UGGT1: variants seen among roughly 807,000 people sequenced by gnomAD.
UGGT1 encodes the protein UDP-glucose glycoprotein glucosyltransferase 1.
Under a neutral mutation model 203.9 loss-of-function variants are expected in UGGT1, and 107 were observed. The observed-to-expected ratio is 0.52, with a 90% CI of 0.45 to 0.62. The LOEUF is 0.62. UGGT1 is among the 20% of genes least tolerant of loss of function. UGGT1 has a pLI of 0.00. For synonymous variants in UGGT1, 628 were observed against 653.5 expected, an observed-to-expected ratio of 0.96 and a Z score of 0.59; for missense variants, 1,673 against 1,867.2, an observed-to-expected ratio of 0.90 and a Z score of 1.92.
intron 1 of UGGT1, chr2:128,091,720 C>A: frequency 1.5e-6 from 1 of 645,850 alleles, no homozygotes; most frequent in Non-Finnish European, 2.3e-6. Flanking sequence ...TGGATTTAGA[C>A]CAAGCTTGAT....
At chr2:128,188,612 G>A (rs917309620) in intron 40 of UGGT1, among the ~76,000 whole-genome samples, 2 of 152,154 alleles carry the variant, frequency 1.3e-5, no homozygotes, top group African/African-American at 4.8e-5. Flanking sequence ...GTATGTACAT[G>A]GGCTCTGGAT....
intron 8 of UGGT1, among the ~76,000 whole-genome samples, chr2:128,117,966 GTGTGTGTGTGTC>G (rs1327724044): frequency 5.0e-4 from 14 of 28,050 alleles, no homozygotes; most frequent in East Asian, 6.7e-4. Context: ...CATTTTGTGT[GTGTGTGTGTGTC>G]TGTGTGTGTG....
chr2:128,092,442 A>G (rs1686909200), intron 1 of UGGT1, among the ~76,000 whole-genome samples: 1 of 151,770 alleles, frequency 6.6e-6, no homozygotes, highest in Non-Finnish European at 1.5e-5. Flanking sequence ...TTTGTACAGT[A>G]GCATAGCACA....
chr2:128,136,545 A>C (rs1216558423), intron 15 of UGGT1, among the ~76,000 whole-genome samples: 1 of 152,114 alleles, frequency 6.6e-6, no homozygotes, highest in East Asian at 1.9e-4. Context: ...TTGATAGCTC[A>C]TTTCTTCTTA....
At chr2:128,186,249 A>G (rs902332848) in intron 38 of UGGT1, among the ~76,000 whole-genome samples, 2 of 152,222 alleles carry the variant, frequency 1.3e-5, no homozygotes, top group African/African-American at 4.8e-5. Context: ...CATTTTAAAC[A>G]TTTGTGATTG....
intron 17 of UGGT1, among the ~76,000 whole-genome samples, chr2:128,144,274 TTGA>T (rs1689574469): frequency 6.6e-6 from 1 of 152,206 alleles, no homozygotes; most frequent in Non-Finnish European, 1.5e-5. Context: ...TAGTTAGCTG[TTGA>T]TAGAAAATTT....
chr2:128,156,483 T>C, intron 21 of UGGT1, 68 bp downstream of exon 21: 1 of 1,275,056 alleles, frequency 7.8e-7, no homozygotes, highest in South Asian at 1.3e-5. Flanking sequence ...CATTGTAATT[T>C]AGAATTTATC....
chr2:128,104,633 GTTA>G (rs1265115850), intron 3 of UGGT1, among the ~76,000 whole-genome samples: 2 of 152,004 alleles, frequency 1.3e-5, no homozygotes, highest in Non-Finnish European at 2.9e-5. Flanking sequence ...ACAGATATAG[GTTA>G]TTATTATTTT....
intron 2 of UGGT1, among the ~76,000 whole-genome samples, chr2:128,098,013 C>T (rs1321622762): frequency 6.6e-6 from 1 of 152,072 alleles, no homozygotes; most frequent in Admixed American, 6.6e-5. Flanking sequence ...GGAAGTGCCC[C>T]ACCACACCCT....
At chr2:128,160,990 A>G in intron 24 of UGGT1, 148 bp from the exon 25 acceptor site, 1 of 880,770 alleles carries the variant, frequency 1.1e-6, no homozygotes, top group Non-Finnish European at 1.7e-6. Flanking sequence ...GTATTATTTC[A>G]CTGATTTTAT....
chr2:128,131,333 C>T (rs991024544), intron 13 of UGGT1, among the ~76,000 whole-genome samples: 52 of 152,012 alleles, frequency 3.4e-4, no homozygotes, highest in African/African-American at 1.2e-3. Context: ...GTGGGCGGAT[C>T]ACTTTAGCTC....
chr2:128,174,631 T>G, intron 30 of UGGT1, 142 bp from the exon 31 acceptor site: 1 of 773,748 alleles, frequency 1.3e-6, no homozygotes, highest in South Asian at 1.9e-5. Context: ...GTAGTTTTGG[T>G]TTTTTAAGAG....
chr2:128,135,824 G>A (rs1689107475), intron 15 of UGGT1, among the ~76,000 whole-genome samples: 2 of 152,194 alleles, frequency 1.3e-5, no homozygotes, highest in South Asian at 4.1e-4. Context: ...ATTTCAAATA[G>A]GCTTTGAGGA....
chr2:128,102,614 G>T (rs13022733), intron 2 of UGGT1, among the ~76,000 whole-genome samples: 47,416 of 152,066 alleles, frequency 0.31, 8,702 homozygotes, highest in Non-Finnish European at 0.4. Flanking sequence ...TATTAGGACT[G>T]TTCCAAGTTT....
Position 128,187,492 on chromosome 2 carries a change from T to C in UGGT1, c.4520T>C (p.Val1507Ala), listed in dbSNP as rs1205878605. 1.2e-6 allele frequency: 2 copies of C among 1,613,994 alleles called. No homozygotes were observed. Among genetic ancestry groups the C allele is most frequent in the Non-Finnish European group, 1.7e-6 (2 of 1,180,002 alleles). ...MTKEPKLEAA[V>A]RIVPEWQDYD... ...AAAGAGCCGAAACTGGAAGCAGCTGTGCGGATTGTCCCGGAGTGGCAGGAC... is the reference window on the plus strand; with the variant it reads ...AAAGAGCCGAAACTGGAAGCAGCTGCGCGGATTGTCCCGGAGTGGCAGGAC... Residue 1507 changes from valine to alanine, a missense_variant, in exon 40 of 41, where the codon GTG becomes GCG. Around this residue, in one of 4 missense-constraint regions of UGGT1, gnomAD observed 513 missense variants for 684.1 expected, o/e 0.75. Coordinates refer to ENST00000259253, the MANE Select transcript of UGGT1 (RefSeq NM_020120.4).
chr2:128,110,066 G>A (rs777033575), intron 5 of UGGT1, among the ~76,000 whole-genome samples: 1 of 152,206 alleles, frequency 6.6e-6, no homozygotes, highest in Admixed American at 6.5e-5. Flanking sequence ...AAGGAATACT[G>A]TGTGTATTAA....
intron 5 of UGGT1, 98 bp from the exon 6 acceptor site, chr2:128,112,986 C>T (rs541283992): frequency 4.6e-5 from 53 of 1,158,436 alleles, no homozygotes; most frequent in Non-Finnish European, 5.0e-5. Context: ...TGCTTATAAT[C>T]TTTATTTGAA....
chr2:128,146,078 C>T (rs1277149216), intron 18 of UGGT1, 111 bp downstream of exon 18: 11 of 1,309,874 alleles, frequency 8.4e-6, no homozygotes, highest in East Asian at 7.5e-5. Context: ...GAGGCTGAGG[C>T]GAGAGGATGG....
chr2:128,148,266 C>T (rs928891103), intron 18 of UGGT1, among the ~76,000 whole-genome samples: 8 of 152,040 alleles, frequency 5.3e-5, no homozygotes, highest in Admixed American at 2.6e-4. Flanking sequence ...TTTACCACAT[C>T]GGCCAGGCTC....
Sources: gnomAD v4.1 joint callset for allele counts (sites outside exome capture counted in the v4.1 genomes callset) on GRCh38, gnomAD v4.1.1 for gene constraint, gnomAD v4.1.1 regional missense constraint, MANE v1.5 for transcripts, NCBI Gene and HGNC (gene_info 2026-07-23, HGNC 2026-07-21) for gene names.